Variants in APBB2 observed in about 807,000 individuals in gnomAD.
APBB2 encodes amyloid beta precursor protein binding family B member 2, also known as Fe65-like 1.
In APBB2, 38 loss-of-function variants were observed where a neutral mutation model predicts 82.5. The observed-to-expected ratio is 0.46, with a 90% CI of 0.36 to 0.60. The LOEUF (loss-of-function observed/expected upper bound fraction) is 0.60. Among genes scored for constraint, APBB2 ranks in the 20% least tolerant of loss-of-function variants. APBB2 has a pLI of 0.00. For missense variants in APBB2, 772 were observed against 972.3 expected (o/e 0.79, Z 2.74); for synonymous variants, 341 against 368.2 (o/e 0.93, Z 0.85).
intron 1 of APBB2, among the ~76,000 whole-genome samples, chr4:41,213,903 C>T (rs1779972341): frequency 6.6e-6 from 1 of 152,206 alleles, no homozygotes; most frequent in Admixed American, 6.5e-5. Flanking sequence ...AGCGCGCTGC[C>T]GCCCAGGAGA....
intron 5 of APBB2, 35 bp from the exon 6 acceptor site, chr4:41,014,433 G>T: frequency 6.4e-7 from 1 of 1,569,536 alleles, no homozygotes; most frequent in Non-Finnish European, 8.7e-7. Context: ...CACCTGCCAT[G>T]ATTAAACTAC....
At chr4:40,885,357 C>T (rs1560791562) in intron 12 of APBB2, among the ~76,000 whole-genome samples, 2 of 152,100 alleles carry the variant, frequency 1.3e-5, no homozygotes, top group Admixed American at 6.5e-5. Flanking sequence ...GAGGTATAAC[C>T]TTATAAGGGG....
At chr4:40,822,141 A>T in intron 16 of APBB2, 91 bp from the exon 17 acceptor site, 1 of 1,454,340 alleles carries the variant, frequency 6.9e-7, no homozygotes, top group Non-Finnish European at 9.5e-7. Flanking sequence ...CAGAAAGTAT[A>T]GCCAGGCCGA....
At chr4:41,014,511 A>C in intron 5 of APBB2, 113 bp from the exon 6 acceptor site, 1 of 997,902 alleles carries the variant, frequency 1.0e-6, no homozygotes, top group Non-Finnish European at 1.5e-6. Flanking sequence ...CACTGCACAT[A>C]CATTCTCATA....
chr4:41,169,734 T>C (rs765600903), intron 1 of APBB2, among the ~76,000 whole-genome samples: 1 of 152,232 alleles, frequency 6.6e-6, no homozygotes, highest in Non-Finnish European at 1.5e-5. Context: ...TGTAATCATT[T>C]CAACTGCTGG....
intron 4 of APBB2, among the ~76,000 whole-genome samples, chr4:41,043,011 G>A (rs906306021): frequency 1.3e-5 from 2 of 152,142 alleles, no homozygotes; most frequent in African/African-American, 4.8e-5. Flanking sequence ...GGATCCTGCG[G>A]GGGGAATCTA....
chr4:40,993,188 A>C (rs1310673259), intron 6 of APBB2, among the ~76,000 whole-genome samples: 1 of 152,148 alleles, frequency 6.6e-6, no homozygotes, highest in Non-Finnish European at 1.5e-5. Context: ...TATGGTGTTA[A>C]GTGACTCAGC....
intron 10 of APBB2, among the ~76,000 whole-genome samples, chr4:40,925,761 C>T (rs773695346): frequency 8.5e-5 from 13 of 152,246 alleles, no homozygotes; most frequent in Non-Finnish European, 1.5e-4. Context: ...TACTTCCCTA[C>T]TACTTCCTGC....
chr4:40,922,767 C>T (rs28429776), intron 10 of APBB2, among the ~76,000 whole-genome samples: 27 of 151,412 alleles, frequency 1.8e-4, no homozygotes, highest in Middle Eastern at 3.4e-3. Context: ...TATTCTACCA[C>T]ATCCAGCTAA....
intron 3 of APBB2, among the ~76,000 whole-genome samples, chr4:41,082,888 C>A (rs1363526095): frequency 6.6e-6 from 1 of 152,080 alleles, no homozygotes; most frequent in Admixed American, 6.6e-5. Flanking sequence ...ATAGGCTGTG[C>A]ACGGTGGCTC....
rs1002230207 is a variant in APBB2 at position 40,848,834 on chromosome 4, C to T, written c.1530-18257G>A. On this transcript the variant is annotated intron_variant, in intron 12 of 17. Transcript: ENST00000508593. ...TTGGTCTGCTTTTCCCCCAGGTCCT[C>T]CCCTCATCATCCTGATCATCACTGC... The T allele has an allele frequency of 2.5e-5, 25 of 984,520 alleles. No homozygotes were observed. The African/African-American group carries it at 3.5e-4, about 14-fold the overall frequency. 61.0% of individuals were successfully genotyped at this position (984,520 alleles called of 1,614,324 possible).
chr4:40,884,091 C>T (rs1769507969), intron 12 of APBB2, among the ~76,000 whole-genome samples: 1 of 152,172 alleles, frequency 6.6e-6, no homozygotes, highest in Admixed American at 6.5e-5. Flanking sequence ...GCCTCTCCTC[C>T]CCTGCCAACC....
At chr4:40,973,868 T>TC (rs1560424281) in intron 6 of APBB2, among the ~76,000 whole-genome samples, 2 of 143,214 alleles carry the variant, frequency 1.4e-5, no homozygotes, top group African/African-American at 5.1e-5. Context: ...TTTTTTTTTT[T>TC]CCAGACAGAG....
At chr4:41,142,412 T>C (rs1468971970) in intron 2 of APBB2, among the ~76,000 whole-genome samples, 1 of 152,206 alleles carries the variant, frequency 6.6e-6, no homozygotes, top group African/African-American at 2.4e-5. Context: ...TATATAAGTA[T>C]CTTAATGCCA....
At chr4:41,154,096 G>A (rs909574765) in intron 1 of APBB2, among the ~76,000 whole-genome samples, 1 of 152,108 alleles carries the variant, frequency 6.6e-6, no homozygotes, top group Non-Finnish European at 1.5e-5. Flanking sequence ...CTCCATAAAT[G>A]AATGGAGAGA....
intron 1 of APBB2, among the ~76,000 whole-genome samples, chr4:41,202,462 A>G (rs1776927948): frequency 6.6e-6 from 1 of 152,194 alleles, no homozygotes; most frequent in African/African-American, 2.4e-5. Flanking sequence ...CCTTTTACTC[A>G]TTGCTAACAG....
At chr4:40,878,118 A>G (rs1767393014) in intron 12 of APBB2, among the ~76,000 whole-genome samples, 2 of 152,096 alleles carry the variant, frequency 1.3e-5, no homozygotes, top group South Asian at 2.1e-4. Context: ...AGGCTGAGGA[A>G]GGCGGATCAC....
intron 2 of APBB2, chr4:41,113,938 A>C (rs1191765810): frequency 2.0e-5 from 3 of 152,348 alleles, no homozygotes; most frequent in Admixed American, 6.6e-5. Flanking sequence ...AAATACAAAA[A>C]TTAGTGCTCG....
chr4:40,928,777 C>A (rs1484105805), intron 10 of APBB2, among the ~76,000 whole-genome samples: 1 of 149,500 alleles, frequency 6.7e-6, no homozygotes, highest in Non-Finnish European at 1.5e-5. Flanking sequence ...CCCAGCTACT[C>A]GGCAGGCAGG....
Sources: gnomAD v4.1 joint callset for allele counts (sites outside exome capture counted in the v4.1 genomes callset) on GRCh38, gnomAD v4.1.1 for gene constraint, MANE v1.5 for transcripts, NCBI Gene and HGNC (gene_info 2026-07-23, HGNC 2026-07-21) for gene names.